DOCK1: variants seen among roughly 807,000 people sequenced by gnomAD.
The protein encoded by DOCK1 is dedicator of cytokinesis protein 1.
A neutral mutation model predicts 262.7 loss-of-function variants in DOCK1; 138 were observed. That is an observed-to-expected ratio of 0.53 (90% CI 0.46 to 0.61). The LOEUF is 0.61. DOCK1 is among the 20% of genes least tolerant of loss of function. The probability of loss-of-function intolerance (pLI) is 0.00; values close to 1 mark genes in which losing one functional copy is unlikely to be tolerated. For synonymous variants in DOCK1, 866 were observed against 867.4 expected (o/e 1.00, Z 0.03); for missense variants, 1,908 against 2,370.7 (o/e 0.80, Z 4.05).
chr10:127,349,083 C>T (rs1320747700), intron 31 of DOCK1, among the ~76,000 whole-genome samples: 4 of 152,078 alleles, frequency 2.6e-5, no homozygotes, highest in African/African-American at 9.7e-5. Context: ...TGATGTCCCA[C>T]CCCCTCTCAC....
chr10:127,034,871 GAC>G lies in DOCK1; in HGVS notation c.1912+2552_1912+2553del, dbSNP rs2043486453. Among the ~76,000 whole-genome samples, 4 of 152,258 alleles carry G rather than the reference GAC, an allele frequency of 2.6e-5. No individual in the cohort carries two copies. The Middle Eastern group carries it at 0.01, about 388-fold the overall frequency. On this transcript the variant is annotated intron_variant, in intron 18 of 51. Transcript: ENST00000623213. ...AACCCTTATGACCCTGGAGAAAGGG[GAC>G]TGTGGACCAGGACATCCCCCCGGGG...
intron 38 of DOCK1, among the ~76,000 whole-genome samples, chr10:127,395,888 G>A (rs1157987309): frequency 6.6e-6 from 1 of 152,240 alleles, no homozygotes; most frequent in Non-Finnish European, 1.5e-5. Context: ...TTGCCGGGAG[G>A]AAGATGTAGG....
chr10:127,264,057 A>G (rs2060270228), intron 29 of DOCK1, among the ~76,000 whole-genome samples: 1 of 152,192 alleles, frequency 6.6e-6, no homozygotes, highest in African/African-American at 2.4e-5. Context: ...GGTGGGTGAG[A>G]GAGAGGCCAG....
chr10:127,266,480 AAC>A (rs68190118), intron 29 of DOCK1, among the ~76,000 whole-genome samples: 48,297 of 149,158 alleles, frequency 0.32, 8,912 homozygotes, highest in South Asian at 0.55. Flanking sequence ...TAAGTACCAA[AAC>A]ACACACACAC....
intron 45 of DOCK1, 120 bp downstream of exon 45, chr10:127,418,661 C>A: frequency 7.8e-7 from 1 of 1,275,732 alleles, no homozygotes; most frequent in Non-Finnish European, 1.0e-6. Flanking sequence ...TCAGCAGTGG[C>A]CCAGCCAAGG....
intron 29 of DOCK1, among the ~76,000 whole-genome samples, chr10:127,329,494 TCTGGGGTGAGCAGACA>T (rs1564996722): frequency 6.7e-6 from 1 of 149,552 alleles, no homozygotes; most frequent in African/African-American, 2.5e-5. Flanking sequence ...GGCAGAGGTC[TCTGGGGTGAGCAGACA>T]CTGGGGTGCT....
chr10:127,074,868 G>A (rs767698918), intron 23 of DOCK1, among the ~76,000 whole-genome samples: 4 of 152,114 alleles, frequency 2.6e-5, no homozygotes, highest in Non-Finnish European at 5.9e-5. Flanking sequence ...AAGATTAAAA[G>A]GAGAGGTGTT....
rs1296638682 is a variant in DOCK1, at chr10:126,995,299, G to A, written c.474-1449G>A. Among the ~76,000 whole-genome samples the A allele has an allele frequency of 1.3e-5, 2 of 152,200 alleles. No individual in the cohort carries two copies. The highest frequency in any genetic ancestry group is 4.8e-5 in the African/African-American group (2 of 41,434). On this transcript the variant is annotated intron_variant, in intron 6 of 51. Transcript: ENST00000623213. The surrounding 1 kb of genome is among the most constrained non-coding windows in gnomAD (Gnocchi z 5.8). ...GGAGGCCAAGGCAGGTGGCTGGGAG[G>A]TGGAGGTTGTAGCGAGCCGAGATCA...
chr10:127,111,440 T>G (rs1023224806), intron 25 of DOCK1, among the ~76,000 whole-genome samples: 69 of 152,112 alleles, frequency 4.5e-4, no homozygotes, highest in African/African-American at 1.6e-3. Context: ...TAAAAGAAAG[T>G]CAGTTCTCAC....
chr10:127,128,512 G>A (rs1354977883), intron 27 of DOCK1, among the ~76,000 whole-genome samples: 1 of 151,872 alleles, frequency 6.6e-6, no homozygotes, highest in East Asian at 1.9e-4. Flanking sequence ...CATGCATTCG[G>A]TATTTGTCCT....
intron 4 of DOCK1, among the ~76,000 whole-genome samples, chr10:126,984,364 A>G (rs1469875108): frequency 6.6e-6 from 1 of 152,088 alleles, no homozygotes; most frequent in Admixed American, 6.6e-5. Context: ...TTTTTATTTT[A>G]TGAGATGGAG....
Position 127,275,947 on chromosome 10 carries a change from G to A in DOCK1, c.3044+18518G>A, listed in dbSNP as rs182336125. On this transcript the variant is annotated intron_variant, in intron 29 of 51. Transcript: ENST00000623213. ...TTCCCCGCTAATGCCCACGCATGGC[G>A]TACAGGCCGCGTTGGAGATCCCTGC... 2.0e-3 allele frequency among the ~76,000 whole-genome samples: 302 copies of A among 152,330 alleles called. 1 individual carries two copies. The highest frequency in any genetic ancestry group is 6.8e-3 in the African/African-American group (281 of 41,576).
chr10:127,342,071 CTGCTGT>C (rs887537818), intron 30 of DOCK1, among the ~76,000 whole-genome samples: 24 of 151,258 alleles, frequency 1.6e-4, no homozygotes, highest in East Asian at 7.9e-4. Context: ...GTTGTTGCTG[CTGCTGT>C]TGCTGTTGCT....
At position 127,125,511 on chromosome 10, in the gene DOCK1, G is replaced by A. The variant is rs768863879; in HGVS notation, c.2661G>A (p.Gln887=). 1.1e-5 allele frequency: 18 copies of A among 1,613,660 alleles called. No homozygotes were observed. The Admixed American group carries it at 2.5e-4, about 22-fold the overall frequency. The change falls in exon 26 of 52, where the codon CAG becomes CAA. Residue 887 remains glutamine (Q), a synonymous_variant. Coordinates refer to ENST00000623213, the MANE Select transcript of DOCK1 (RefSeq NM_001290223.2). ...TCCTGCTTCCCATGATGACCGATCA[G>A]CTCAAGTACCATCTGGAGAGACAGG... is the stretch of plus-strand genomic sequence containing the variant. The part of the protein sequence containing the change: ...REILLPMMTD[Q]LKYHLERQED...
chr10:127,006,592 C>A (rs546377188), intron 10 of DOCK1, among the ~76,000 whole-genome samples: 1 of 152,310 alleles, frequency 6.6e-6, no homozygotes, highest in African/African-American at 2.4e-5. Flanking sequence ...TCAGGGGAGT[C>A]CCTGGGAAGC....
In DOCK1 at chr10:126,987,574, C is replaced by T. The variant is rs773928262; in HGVS notation, c.281C>T (p.Thr94Met). 3.2e-6 allele frequency: 5 copies of T among 1,575,290 alleles called. No individual in the cohort carries two copies. The highest frequency in any genetic ancestry group is 2.7e-5 in the African/African-American group (2 of 73,960). The change falls in exon 5 of 52, where the codon ACG becomes ATG. Residue 94 changes from threonine (T) to methionine (M), a missense_variant. Thr to Met is a moderately conservative substitution (Grantham distance 81). Transcript: ENST00000623213. ...CTCCCCCTCATCCAGGAAGTCACCACGACACTCCGAGAGTGGTCCACCATC... is the reference window on the plus strand; with the variant it reads ...CTCCCCCTCATCCAGGAAGTCACCATGACACTCCGAGAGTGGTCCACCATC... ...GDLPLIQEVT[T>M]TLREWSTIWR...
chr10:127,140,989 G>C (rs981048714), intron 27 of DOCK1, among the ~76,000 whole-genome samples: 1 of 152,138 alleles, frequency 6.6e-6, no homozygotes, highest in Non-Finnish European at 1.5e-5. Context: ...CCTGCTGCCC[G>C]GCAGACCTGT....
intron 6 of DOCK1, among the ~76,000 whole-genome samples, chr10:126,994,898 G>GGCAGAGGCGCCCCC (rs2040061281): frequency 6.6e-6 from 1 of 151,496 alleles, no homozygotes; most frequent in African/African-American, 2.4e-5. Flanking sequence ...GGGGCGGCCG[G>GGCAGAGGCGCCCCC]GCAGAGGCGC....
At chr10:127,401,081 G>A (rs991338466) in intron 38 of DOCK1, among the ~76,000 whole-genome samples, 4 of 151,724 alleles carry the variant, frequency 2.6e-5, no homozygotes, top group Admixed American at 6.6e-5. Flanking sequence ...CACTCCTATG[G>A]CCCACCTAGA....
Sources: allele counts gnomAD v4.1 joint callset (sites outside exome capture counted in the v4.1 genomes callset), GRCh38; gene constraint gnomAD v4.1.1; non-coding constraint Gnocchi (gnomAD v3.1); transcripts MANE v1.5; gene names NCBI Gene and HGNC (gene_info 2026-07-23, HGNC 2026-07-21).